FHIT: variants seen among roughly 807,000 people sequenced by gnomAD.
FHIT encodes the protein bis(5'-adenosyl)-triphosphatase.
FHIT carries 19 observed loss-of-function variants against 17.9 expected under a neutral mutation model. That is an observed-to-expected ratio of 1.06 (90% CI 0.74 to 1.56). The LOEUF (loss-of-function observed/expected upper bound fraction) is 1.56. Among genes scored for constraint, FHIT ranks in the 40% most tolerant of loss-of-function variants. FHIT has a pLI of 0.00. For synonymous variants in FHIT, 81 were observed against 69.7 expected, an observed-to-expected ratio of 1.16 and a Z score of -0.81; for missense variants, 248 against 189.2, an observed-to-expected ratio of 1.31 and a Z score of -1.82.
chr3:60,140,231 T>C (rs148843152), intron 5 of FHIT, among the ~76,000 whole-genome samples: 2 of 152,292 alleles, frequency 1.3e-5, no homozygotes, highest in African/African-American at 2.4e-5. Context: ...ATGTTGTTTC[T>C]GTTAACTGAA....
At chr3:59,924,949 G>A (rs931318) in intron 7 of FHIT, among the ~76,000 whole-genome samples, 4 of 152,124 alleles carry the variant, frequency 2.6e-5, no homozygotes, top group Non-Finnish European at 2.9e-5. Flanking sequence ...GTGTGGGCAC[G>A]GAGGTCACTT....
chr3:60,936,027 C>G (rs1265151102), intron 3 of FHIT, among the ~76,000 whole-genome samples: 1 of 152,102 alleles, frequency 6.6e-6, no homozygotes, highest in Non-Finnish European at 1.5e-5. Flanking sequence ...TCTGTTGTGG[C>G]CCTTGTAGGT....
intron 3 of FHIT, among the ~76,000 whole-genome samples, chr3:60,973,208 G>C (rs1429268088): frequency 1.3e-5 from 2 of 152,186 alleles, no homozygotes; most frequent in Non-Finnish European, 2.9e-5. Context: ...CAGGCAGATA[G>C]AGTACAGGAA....
intron 3 of FHIT, among the ~76,000 whole-genome samples, chr3:61,033,686 A>G (rs1165420718): frequency 6.6e-6 from 1 of 151,666 alleles, no homozygotes; most frequent in Non-Finnish European, 1.5e-5. Flanking sequence ...GAATAGAAAA[A>G]CTCTGTTCTT....
chr3:60,758,013 A>C (rs116024178), intron 4 of FHIT, among the ~76,000 whole-genome samples: 2,985 of 152,048 alleles, frequency 0.02, 99 homozygotes, highest in African/African-American at 0.067. Flanking sequence ...TCTAGCTTCC[A>C]GTTAGTTTGG....
chr3:61,076,168 A>T (rs1296713352), intron 2 of FHIT, among the ~76,000 whole-genome samples: 1 of 152,212 alleles, frequency 6.6e-6, no homozygotes. Context: ...ATAATCTGCG[A>T]TATCAACCCC....
chr3:61,106,021 A>C (rs2035978768), intron 2 of FHIT, among the ~76,000 whole-genome samples: 1 of 152,140 alleles, frequency 6.6e-6, no homozygotes, highest in South Asian at 2.1e-4. Context: ...GAGAGGTCTT[A>C]ATGTTTTCTT....
At chr3:60,897,650 A>G (rs1350477808) in intron 3 of FHIT, among the ~76,000 whole-genome samples, 1 of 152,170 alleles carries the variant, frequency 6.6e-6, no homozygotes, top group Non-Finnish European at 1.5e-5. Flanking sequence ...CTATTTGCCT[A>G]CTGACCGCTG....
chr3:60,913,991 A>C (rs1248519226), intron 3 of FHIT, among the ~76,000 whole-genome samples: 1 of 152,220 alleles, frequency 6.6e-6, no homozygotes, highest in African/African-American at 2.4e-5. Context: ...TTGAGTCAAA[A>C]GGCAAACAAA....
At chr3:60,897,545 C>T (rs1370267799) in intron 3 of FHIT, among the ~76,000 whole-genome samples, 3 of 152,268 alleles carry the variant, frequency 2.0e-5, no homozygotes, top group African/African-American at 4.8e-5. Flanking sequence ...TTTCCTTGTG[C>T]TTTTCCTTTT....
At chr3:60,794,944 A>G (rs1408214186) in intron 4 of FHIT, among the ~76,000 whole-genome samples, 1 of 152,254 alleles carries the variant, frequency 6.6e-6, no homozygotes, top group Non-Finnish European at 1.5e-5. Context: ...TGAGTAAAAA[A>G]GTATCTCTAC....
intron 4 of FHIT, among the ~76,000 whole-genome samples, chr3:60,693,272 TCATAAAATGGG>T (rs1553699896): frequency 6.6e-6 from 1 of 152,222 alleles, no homozygotes; most frequent in Non-Finnish European, 1.5e-5. Context: ...AATTATACCT[TCATAAAATGGG>T]CATATTTTTC....
At chr3:61,223,709 G>C (rs569545849) in intron 1 of FHIT, among the ~76,000 whole-genome samples, 4 of 152,296 alleles carry the variant, frequency 2.6e-5, no homozygotes, top group East Asian at 1.9e-4. Context: ...TCCCTGACTC[G>C]AGTGAGGGGC....
chr3:60,261,916 C>T (rs114791605), intron 5 of FHIT, among the ~76,000 whole-genome samples: 3,127 of 152,110 alleles, frequency 0.021, 113 homozygotes, highest in African/African-American at 0.072. Context: ...AGAATCTGAA[C>T]AAACAGGCCT....
intron 4 of FHIT, among the ~76,000 whole-genome samples, chr3:60,712,988 C>A (rs1356767305): frequency 5.2e-4 from 78 of 150,712 alleles, no homozygotes; most frequent in Non-Finnish European, 9.2e-4. Context: ...TTTTCAGCAC[C>A]ACACCACACC....
At chr3:60,122,054 T>C (rs115281560) in intron 5 of FHIT, among the ~76,000 whole-genome samples, 4,113 of 139,938 alleles carry the variant, frequency 0.029, 198 homozygotes, top group African/African-American at 0.11. Context: ...TAAATTGTGA[T>C]AGAAGAAATG....
At chr3:60,121,581 G>A (rs1049046164) in intron 5 of FHIT, among the ~76,000 whole-genome samples, 1 of 152,072 alleles carries the variant, frequency 6.6e-6, no homozygotes, top group African/African-American at 2.4e-5. Context: ...CTGCTTAGGA[G>A]GCTGAGGCAG....
intron 5 of FHIT, among the ~76,000 whole-genome samples, chr3:60,150,879 A>C (rs1462306739): frequency 6.6e-6 from 1 of 151,918 alleles, no homozygotes; most frequent in Non-Finnish European, 1.5e-5. Context: ...AGATTGTGCC[A>C]CTGCACTACA....
intron 5 of FHIT, among the ~76,000 whole-genome samples, chr3:60,301,464 C>T (rs1256681112): frequency 6.6e-6 from 1 of 152,132 alleles, no homozygotes; most frequent in Non-Finnish European, 1.5e-5. Context: ...GCCTCATGTG[C>T]TCAACCCATA....
Sources: gnomAD v4.1 joint callset for allele counts (sites outside exome capture counted in the v4.1 genomes callset) on GRCh38, gnomAD v4.1.1 for gene constraint, MANE v1.5 for transcripts, NCBI Gene and HGNC (gene_info 2026-07-23, HGNC 2026-07-21) for gene names.